The following SBSPON variants were observed in gnomAD, a reference collection of about 807,000 sequenced individuals.
SBSPON encodes somatomedin B and thrombospondin type 1 domain containing, also known as somatomedin-B and thrombospondin type-1 domain-containing protein.
SBSPON carries 30 observed loss-of-function variants against 35.8 expected under a neutral mutation model. The ratio of observed to expected loss-of-function variants is 0.84; its 90% confidence interval spans 0.63 to 1.14. SBSPON has a LOEUF of 1.14. SBSPON is among the 50% of genes most tolerant of loss of function. The probability of loss-of-function intolerance (pLI) is 0.00; values close to 1 mark genes in which losing one functional copy is unlikely to be tolerated. For missense variants in SBSPON, 364 were observed against 357.7 expected, an observed-to-expected ratio of 1.02 and a Z score of -0.14; for synonymous variants, 136 against 135.9, an observed-to-expected ratio of 1.00 and a Z score of 0.00.
chr8:73,093,082 C>G lies in SBSPON; in HGVS notation c.-15G>C, dbSNP rs1446867761. 7.7e-7 allele frequency: 1 copy of G among 1,306,370 alleles called. No individual in the cohort carries two copies. The allele number at this position is 1,306,370 out of a possible 1,614,324, so 80.9% of individuals were successfully genotyped here. On this transcript the variant is annotated 5_prime_UTR_variant, in exon 1 of 5. Coordinates refer to ENST00000297354, the MANE Select transcript of SBSPON (RefSeq NM_153225.4). ...AGGGTCCTCATGGCCAGGGCTCCGG[C>G]GGCGCCTGCGACGCGACAGACCCCC...
At chr8:73,079,348 C>G (rs1476671701) in intron 2 of SBSPON, among the ~76,000 whole-genome samples, 1 of 152,108 alleles carries the variant, frequency 6.6e-6, no homozygotes, top group East Asian at 1.9e-4. Context: ...CCTCCCCAGC[C>G]CACCATAAGC....
rs750340436 is a variant in SBSPON at position 73,070,008 on chromosome 8, C to CT, written c.501-28dup. 116 of 1,469,984 alleles carry CT rather than the reference C, an allele frequency of 7.9e-5. No homozygotes were observed. The Middle Eastern group carries it at 2.2e-3, about 28-fold the overall frequency. The allele number at this position is 1,469,984 out of a possible 1,614,324, so 91.1% of individuals were successfully genotyped here. On this transcript the variant is annotated intron_variant, in intron 3 of 4. Transcript: ENST00000297354. The stretch of plus-strand genomic sequence containing the variant: ...TACAGCAAAAGAAGTAACAATGACA[C>CT]TTGCTGTAATGAGCAGTGGCCTAAA...
chr8:73,081,274 C>T (rs1810698569), intron 1 of SBSPON, 61 bp from the exon 2 acceptor site: 1 of 1,395,914 alleles, frequency 7.2e-7, no homozygotes, highest in African/African-American at 1.4e-5. Flanking sequence ...GCAGGCTGTT[C>T]CCGCCAACAC....
rs200386383 is a variant in SBSPON, at chr8:73,069,883, G to T, written c.599C>A (p.Thr200Lys). 290 of 1,613,396 alleles carry T rather than the reference G, an allele frequency of 1.8e-4. 1 individual carries two copies. The African/African-American group carries it at 3.5e-3, about 20-fold the overall frequency. Residue 200 changes from threonine (T) to lysine (K), a missense_variant, in exon 4 of 5, where the codon ACG becomes AAG. Transcript: ENST00000297354. ...TGGAGGCTGACAATCCACACACACC[G>T]TGTATCCCTCTCGGAGATACTGCAT... is the stretch of plus-strand genomic sequence containing the variant. ...RWMQYLREGY[T>K]VCVDCQPPAM...
At chr8:73,069,425 C>T (rs1810450390) in intron 4 of SBSPON, among the ~76,000 whole-genome samples, 1 of 152,174 alleles carries the variant, frequency 6.6e-6, no homozygotes, top group Admixed American at 6.5e-5. Flanking sequence ...GCATGCGCCA[C>T]CATGCCAGGC....
In SBSPON at chr8:73,093,042, C is replaced by T. The variant is rs1810968032; in HGVS notation, c.26G>A (p.Cys9Tyr). The T allele has an allele frequency of 2.2e-6, 3 of 1,379,618 alleles. No individual in the cohort carries two copies. The East Asian group carries it at 9.4e-5, about 43-fold the overall frequency. 85.5% of individuals were successfully genotyped at this position (1,379,618 alleles called of 1,614,324 possible). A position where few individuals can be genotyped will look rare whatever the true frequency, so the allele number is the denominator to read the frequency against. The change falls in exon 1 of 5, where the codon TGC becomes TAC. Residue 9 changes from cysteine to tyrosine, a missense_variant. Physicochemically the swap from Cys to Tyr is radical, Grantham distance 194. Coordinates refer to ENST00000297354, the MANE Select transcript of SBSPON (RefSeq NM_153225.4). MRTLWMAL[C>Y]ALSRLWPGAQ... ...CCCGGGCCACAGCCGCGACAGCGCGCACAGCGCCATCCACAGGGTCCTCAT... is the reference window on the plus strand; with the variant it reads ...CCCGGGCCACAGCCGCGACAGCGCGTACAGCGCCATCCACAGGGTCCTCAT...
In SBSPON at chr8:73,073,128, ACT is replaced by A. The variant is rs1024368867; in HGVS notation, c.410-1260_410-1259del. On this transcript the variant is annotated intron_variant, in intron 2 of 4. Coordinates refer to ENST00000297354, the MANE Select transcript of SBSPON (RefSeq NM_153225.4). ...TCACTATAGCTTCACACATTTACAC[ACT>A]CAATAAATATTTGTGCAAGGAATAA... is the stretch of plus-strand genomic sequence containing the variant. Among the ~76,000 whole-genome samples the A allele has an allele frequency of 1.2e-4, 19 of 152,294 alleles. No individual in the cohort carries two copies. In the East Asian group the frequency reaches 2.3e-3, roughly 19 times the overall value.
In SBSPON at chr8:73,067,316, C is replaced by G. The variant is rs765846472; in HGVS notation, c.*25G>C. ...AGAATATTTAGAATGTTTACAAATG[C>G]ATTTGGAAATATTTATATCACCATC... On this transcript the variant is annotated 3_prime_UTR_variant, in exon 5 of 5. Coordinates refer to ENST00000297354, the MANE Select transcript of SBSPON (RefSeq NM_153225.4). 8.1e-7 allele frequency: 1 copy of G among 1,232,332 alleles called. No individual in the cohort carries two copies. The highest frequency in any genetic ancestry group is 1.2e-5 in the South Asian group (1 of 83,306). The allele number at this position is 1,232,332 out of a possible 1,614,324, so 76.3% of individuals were successfully genotyped here.
intron 1 of SBSPON, among the ~76,000 whole-genome samples, chr8:73,091,441 C>T (rs1449807541): frequency 1.3e-5 from 2 of 152,156 alleles, no homozygotes; most frequent in Non-Finnish European, 2.9e-5. Context: ...TCTATCCCTG[C>T]GCTTACCACA....
At position 73,069,822 on chromosome 8, in the gene SBSPON, A is replaced by T; in HGVS notation, c.660T>A (p.Asp220Glu). The T allele has an allele frequency of 2.5e-6, 4 of 1,614,030 alleles. No individual in the cohort carries two copies. Among genetic ancestry groups the T allele is most frequent in the Non-Finnish European group, 2.5e-6 (3 of 1,179,834 alleles). ...MNSVSLRCSG[D>E]GLDSDGNQTL... is the part of the protein sequence containing the mutation. ...ATTCTTACCCATCGGAGTCCAGGCC[A>T]TCTCCAGAACAACGAAGGCTCACAG... Residue 220 changes from aspartate to glutamate, a missense_variant, in exon 4 of 5, where the codon GAT becomes GAA. Coordinates refer to ENST00000297354, the MANE Select transcript of SBSPON (RefSeq NM_153225.4).
At chr8:73,090,885 CTCCAA>C (rs903674578) in intron 1 of SBSPON, among the ~76,000 whole-genome samples, 4 of 152,208 alleles carry the variant, frequency 2.6e-5, no homozygotes, top group Non-Finnish European at 4.4e-5. Flanking sequence ...TAAATCCCCA[CTCCAA>C]AACCATAGGC....
intron 2 of SBSPON, 81 bp downstream of exon 2, chr8:73,080,938 C>T: frequency 1.6e-6 from 2 of 1,280,590 alleles, no homozygotes; most frequent in South Asian, 3.2e-5. Flanking sequence ...CTTCCCTGCA[C>T]AGCATATGGC....
At chr8:73,082,375 CATA>C (rs1181585824) in intron 1 of SBSPON, among the ~76,000 whole-genome samples, 3 of 152,164 alleles carry the variant, frequency 2.0e-5, no homozygotes, top group Non-Finnish European at 4.4e-5. Flanking sequence ...CTTTCTAATT[CATA>C]ATGTTTCCCA....
Position 73,081,145 on chromosome 8 carries a change from G to A in SBSPON, c.283C>T (p.Arg95Cys), listed in dbSNP as rs779036043. The A allele has an allele frequency of 6.2e-6, 10 of 1,613,180 alleles. No homozygotes were observed. Among genetic ancestry groups the A allele is most frequent in the East Asian group, 2.2e-5 (1 of 44,854 alleles). Residue 95 changes from arginine (R) to cysteine (C), a missense_variant, in exon 2 of 5, where the codon CGT becomes TGT. By Grantham distance (180) the Arg-to-Cys change is radical. Transcript: ENST00000297354. ...GCADQCKPTT[R>C]VRRRSVQQEP... Reference sequence around the variant, plus strand: ...TGCTGCACCGAGCGCCTCCGCACACGGGTTGTAGGCTTGCACTGGTCTGCA... The same window carrying A: ...TGCTGCACCGAGCGCCTCCGCACACAGGTTGTAGGCTTGCACTGGTCTGCA...
chr8:73,084,485 C>T (rs1388517430), intron 1 of SBSPON, among the ~76,000 whole-genome samples: 2 of 152,210 alleles, frequency 1.3e-5, no homozygotes, highest in African/African-American at 4.8e-5. Context: ...GACCTGGCAT[C>T]TGCCTGACCT....
intron 1 of SBSPON, among the ~76,000 whole-genome samples, chr8:73,091,058 G>A (rs976013230): frequency 5.3e-5 from 8 of 152,080 alleles, no homozygotes; most frequent in African/African-American, 1.9e-4. Flanking sequence ...TCCCTCTTAC[G>A]GGCCTGAATC....
At chr8:73,092,410 G>A (rs1810952714) in intron 1 of SBSPON, among the ~76,000 whole-genome samples, 1 of 152,188 alleles carries the variant, frequency 6.6e-6, no homozygotes, top group Admixed American at 6.5e-5. Flanking sequence ...ACACAATCCT[G>A]CCCTCATCAC....
At chr8:73,068,404 T>C (rs1810432098) in intron 4 of SBSPON, among the ~76,000 whole-genome samples, 1 of 152,194 alleles carries the variant, frequency 6.6e-6, no homozygotes, top group South Asian at 2.1e-4. Context: ...GAATAATAAT[T>C]GACTGGAAAG....
chr8:73,081,929 G>C (rs10957638), intron 1 of SBSPON, among the ~76,000 whole-genome samples: 83,705 of 152,020 alleles, frequency 0.55, 23,218 homozygotes, highest in East Asian at 0.66. Context: ...AAGAATCTGG[G>C]CCTGGAGTCT....
Sources: gnomAD v4.1 joint callset for allele counts (sites outside exome capture counted in the v4.1 genomes callset) on GRCh38, gnomAD v4.1.1 for gene constraint, MANE v1.5 for transcripts, NCBI Gene and HGNC (gene_info 2026-07-23, HGNC 2026-07-21) for gene names.